The following PKHD1 variants were observed in gnomAD, a reference collection of about 807,000 sequenced individuals.
PKHD1 encodes fibrocystin.
A neutral mutation model predicts 412.0 loss-of-function variants in PKHD1; 291 were observed. The observed-to-expected ratio is 0.71, with a 90% CI of 0.64 to 0.78. The LOEUF (loss-of-function observed/expected upper bound fraction) is 0.78, where lower values mean the gene tolerates loss of function less well. Among genes scored for constraint, PKHD1 ranks in the 30% least tolerant of loss-of-function variants. The pLI is 0.00. For missense variants in PKHD1, 4,825 were observed against 4,950.7 expected, an observed-to-expected ratio of 0.97 and a Z score of 0.76; for synonymous variants, 1,777 against 1,821.5, an observed-to-expected ratio of 0.98 and a Z score of 0.62.
intron 60 of PKHD1, among the ~76,000 whole-genome samples, chr6:51,716,015 A>G (rs1781213740): frequency 2.0e-5 from 3 of 152,210 alleles, no homozygotes; most frequent in African/African-American, 7.2e-5. Context: ...TGTTCATTAT[A>G]CTATTAAAAA....
chr6:51,692,288 CA>C (rs1164519412), intron 60 of PKHD1, among the ~76,000 whole-genome samples: 3 of 151,660 alleles, frequency 2.0e-5, no homozygotes, highest in African/African-American at 7.3e-5. Flanking sequence ...CACACACACA[CA>C]CCACTGAGTT....
At chr6:52,067,388 CAT>C (rs1465866289) in intron 11 of PKHD1, among the ~76,000 whole-genome samples, 3 of 152,136 alleles carry the variant, frequency 2.0e-5, no homozygotes, top group Non-Finnish European at 2.9e-5. Flanking sequence ...AAACTTTTAA[CAT>C]AGTTGTAGAT....
At chr6:52,048,926 T>C (rs917689053) in intron 22 of PKHD1, among the ~76,000 whole-genome samples, 2 of 152,218 alleles carry the variant, frequency 1.3e-5, no homozygotes, top group Admixed American at 1.3e-4. Flanking sequence ...TTTATTGCTT[T>C]TCCTGCCCAG....
intron 35 of PKHD1, among the ~76,000 whole-genome samples, chr6:52,003,119 T>G (rs936587248): frequency 6.6e-6 from 1 of 152,086 alleles, no homozygotes; most frequent in African/African-American, 2.4e-5. Flanking sequence ...CTATGGAATT[T>G]CCCAAGAGAA....
At chr6:51,843,435 T>G (rs2151598305) in intron 50 of PKHD1, among the ~76,000 whole-genome samples, 1 of 152,262 alleles carries the variant, frequency 6.6e-6, no homozygotes, top group Admixed American at 6.5e-5. Flanking sequence ...TTTCATAGCG[T>G]TAATGTAACT....
At chr6:51,637,764 C>G (rs552978800) in intron 64 of PKHD1, among the ~76,000 whole-genome samples, 1 of 152,090 alleles carries the variant, frequency 6.6e-6, no homozygotes, top group African/African-American at 2.4e-5. Flanking sequence ...ATTAGCCAGG[C>G]TTGGTGGCGC....
At chr6:52,058,056 G>A (rs1240821134) in intron 16 of PKHD1, among the ~76,000 whole-genome samples, 1 of 152,198 alleles carries the variant, frequency 6.6e-6, no homozygotes, top group East Asian at 1.9e-4. Flanking sequence ...AGAGGACCTT[G>A]TCTCTTTTCT....
chr6:51,739,123 AC>A lies in PKHD1; in HGVS notation c.10156+5261del, dbSNP rs1784236735. Among the ~76,000 whole-genome samples the A allele has an allele frequency of 5.4e-5, 8 of 147,178 alleles. 1 individual carries two copies. The South Asian group carries it at 1.7e-3, about 31-fold the overall frequency. The stretch of plus-strand genomic sequence containing the variant: ...TTTATATATATTTATATATTTTTTT[AC>A]ATATATATAAAATACATACATACAC... On this transcript the variant is annotated intron_variant, in intron 60 of 66. Transcript: ENST00000371117.
intron 52 of PKHD1, among the ~76,000 whole-genome samples, chr6:51,820,825 T>C (rs1050430715): frequency 2.0e-5 from 3 of 152,086 alleles, no homozygotes; most frequent in Non-Finnish European, 4.4e-5. Flanking sequence ...ATGAGGAAAC[T>C]CCAAAAGCTC....
At chr6:51,944,640 C>T (rs887694991) in intron 36 of PKHD1, among the ~76,000 whole-genome samples, 3 of 152,178 alleles carry the variant, frequency 2.0e-5, no homozygotes, top group African/African-American at 7.2e-5. Context: ...GCCCAACAAA[C>T]TACCCTTGAA....
chr6:51,975,115 TAC>T (rs1488112327), intron 35 of PKHD1, among the ~76,000 whole-genome samples: 9 of 152,092 alleles, frequency 5.9e-5, no homozygotes, highest in Admixed American at 5.9e-4. Context: ...GAAGCTTCAT[TAC>T]ATTTTGCATA....
chr6:51,977,042 A>G (rs1034915616), intron 35 of PKHD1, among the ~76,000 whole-genome samples: 2 of 151,890 alleles, frequency 1.3e-5, no homozygotes, highest in African/African-American at 2.4e-5. Flanking sequence ...AAACCCTCAG[A>G]TTAAAAAATT....
At chr6:52,019,788 A>G (rs910616461) in intron 33 of PKHD1, among the ~76,000 whole-genome samples, 3 of 152,248 alleles carry the variant, frequency 2.0e-5, no homozygotes, top group African/African-American at 7.2e-5. Flanking sequence ...AAACAAACAC[A>G]AAGTATTAGT....
Position 51,659,205 on chromosome 6 carries a change from T to C in PKHD1, c.10921A>G (p.Met3641Val). 3 of 1,613,850 alleles carry C rather than the reference T, an allele frequency of 1.9e-6. No homozygotes were observed. Among genetic ancestry groups the C allele is most frequent in the Non-Finnish European group, 2.5e-6 (3 of 1,179,880 alleles). Residue 3641 changes from methionine to valine, a missense_variant, in exon 61 of 67, where the codon ATG (methionine) becomes GTG (valine). Transcript: ENST00000371117. ...YRRVGQRRPL[M>V]MEMNSHRASP... ...GCCCTATGTGAGTTCATTTCCATCA[T>C]GAGAGGCCTACGTTGACCAACTCTT...
At chr6:51,716,824 C>G (rs911873547) in intron 60 of PKHD1, among the ~76,000 whole-genome samples, 6 of 151,976 alleles carry the variant, frequency 3.9e-5, no homozygotes, top group African/African-American at 1.5e-4. Flanking sequence ...ACCATCACCC[C>G]CCTCCAACCA....
chr6:51,913,825 G>C (rs1783361051), intron 37 of PKHD1, among the ~76,000 whole-genome samples: 1 of 151,920 alleles, frequency 6.6e-6, no homozygotes, highest in Non-Finnish European at 1.5e-5. Context: ...GTTTACTTGG[G>C]CAATAATTTT....
At chr6:51,701,501 T>C (rs576681164) in intron 60 of PKHD1, among the ~76,000 whole-genome samples, 2 of 152,242 alleles carry the variant, frequency 1.3e-5, no homozygotes, top group South Asian at 4.1e-4. Flanking sequence ...TGCTCATGTT[T>C]ACATTGCATT....
At chr6:52,009,556 G>C (rs950063547) in intron 35 of PKHD1, among the ~76,000 whole-genome samples, 2 of 152,162 alleles carry the variant, frequency 1.3e-5, no homozygotes, top group African/African-American at 2.4e-5. Flanking sequence ...AGGCACCTAA[G>C]GGAGTAGGTG....
chr6:52,064,535 C>T (rs1809199039), intron 13 of PKHD1, among the ~76,000 whole-genome samples: 1 of 152,152 alleles, frequency 6.6e-6, no homozygotes, highest in Admixed American at 6.5e-5. Context: ...TTGTGCCCTA[C>T]TCTCCGACCT....
Sources: allele counts gnomAD v4.1 joint callset (sites outside exome capture counted in the v4.1 genomes callset), GRCh38; gene constraint gnomAD v4.1.1; transcripts MANE v1.5; gene names NCBI Gene and HGNC (gene_info 2026-07-23, HGNC 2026-07-21).